PDE3B: variants seen among roughly 807,000 people sequenced by gnomAD.
PDE3B encodes the protein phosphodiesterase 3B, also known as cGMP-inhibited 3',5'-cyclic phosphodiesterase 3B.
A neutral mutation model predicts 116.8 loss-of-function variants in PDE3B; 66 were observed. The observed-to-expected ratio is 0.56, with a 90% CI of 0.46 to 0.69. The LOEUF (loss-of-function observed/expected upper bound fraction) is 0.69, where lower values mean the gene tolerates loss of function less well. PDE3B is among the 30% of genes least tolerant of loss of function. PDE3B has a pLI of 0.00. For missense variants in PDE3B, 1,384 were observed against 1,368.1 expected, an observed-to-expected ratio of 1.01 and a Z score of -0.18; for synonymous variants, 595 against 533.6, an observed-to-expected ratio of 1.12 and a Z score of -1.59.
At position 14,792,275 on chromosome 11, in the gene PDE3B, A is replaced by T. The variant is rs561820051; in HGVS notation, c.1415+3033A>T. On this transcript the variant is annotated intron_variant, in intron 4 of 15. Transcript: ENST00000282096. ...AGCTTTCTAGGTAAAAACAGTAGGC[A>T]TGTAACTTGTTTAAGACTCTTCCTT... Among the ~76,000 whole-genome samples the T allele has an allele frequency of 1.9e-4, 29 of 152,302 alleles. No homozygotes were observed. The South Asian group carries it at 5.8e-3, about 30-fold the overall frequency.
chr11:14,679,868 T>C (rs1394785914), intron 1 of PDE3B, among the ~76,000 whole-genome samples: 1 of 152,012 alleles, frequency 6.6e-6, no homozygotes, highest in Non-Finnish European at 1.5e-5. Flanking sequence ...GCTCCATCAC[T>C]CTAGTGGAAC....
At chr11:14,811,386 T>C (rs1565148067) in intron 5 of PDE3B, among the ~76,000 whole-genome samples, 1 of 152,252 alleles carries the variant, frequency 6.6e-6, no homozygotes. Flanking sequence ...TTTGTACATA[T>C]GGCTAGCGAG....
At chr11:14,776,671 AAAG>A (rs1381924529) in intron 2 of PDE3B, 1 of 151,248 alleles carries the variant, frequency 6.6e-6, no homozygotes, top group Non-Finnish European at 1.5e-5. Flanking sequence ...AATAAAAAAA[AAAG>A]AAAAAAAAAT....
chr11:14,751,812 C>G (rs1458922579), intron 1 of PDE3B, among the ~76,000 whole-genome samples: 1 of 152,162 alleles, frequency 6.6e-6, no homozygotes, highest in Admixed American at 6.5e-5. Flanking sequence ...TCTATCAGCT[C>G]TTGTTCTTTA....
At chr11:14,798,388 T>A (rs1240286292) in intron 4 of PDE3B, among the ~76,000 whole-genome samples, 6 of 152,146 alleles carry the variant, frequency 3.9e-5, no homozygotes, top group Non-Finnish European at 7.4e-5. Context: ...TGGCCTGAAA[T>A]TTTCTTTTTT....
intron 5 of PDE3B, among the ~76,000 whole-genome samples, chr11:14,811,855 A>G (rs1859143066): frequency 6.6e-6 from 1 of 152,178 alleles, no homozygotes; most frequent in Non-Finnish European, 1.5e-5. Flanking sequence ...GAGGTCCCTC[A>G]CGTCCCTTGT....
chr11:14,890,011 C>T, the PDE3B span, among the ~76,000 whole-genome samples: 1 of 152,018 alleles, frequency 6.6e-6, no homozygotes, highest in African/African-American at 2.4e-5. Context: ...CACCTGTGGT[C>T]CCAGCTACTC....
intron 1 of PDE3B, among the ~76,000 whole-genome samples, chr11:14,759,241 G>A (rs1857284123): frequency 6.6e-6 from 1 of 151,976 alleles, no homozygotes; most frequent in Admixed American, 6.6e-5. Flanking sequence ...TTTTTTGGTT[G>A]TGTCTCTGCC....
the PDE3B span, chr11:14,885,730 T>C: frequency 6.3e-7 from 1 of 1,591,622 alleles, no homozygotes; most frequent in Non-Finnish European, 8.6e-7. Context: ...AGGAATGTGA[T>C]TTAAAATATC....
chr11:14,749,404 T>C (rs1370957461), intron 1 of PDE3B, among the ~76,000 whole-genome samples: 1 of 152,114 alleles, frequency 6.6e-6, no homozygotes, highest in East Asian at 1.9e-4. Flanking sequence ...AGATAATACA[T>C]TCCATCTTTG....
chr11:14,796,895 T>G (rs1286858157), intron 4 of PDE3B, among the ~76,000 whole-genome samples: 2 of 152,232 alleles, frequency 1.3e-5, no homozygotes, highest in African/African-American at 2.4e-5. Context: ...ATGTTGCCTT[T>G]TGTTGCCATT....
intron 1 of PDE3B, among the ~76,000 whole-genome samples, chr11:14,763,084 G>A (rs932998947): frequency 2.0e-5 from 3 of 152,174 alleles, no homozygotes; most frequent in Non-Finnish European, 4.4e-5. Context: ...AAATAGAAAA[G>A]AGAAGAGGTC....
chr11:14,767,885 T>A (rs1462079760), intron 1 of PDE3B, among the ~76,000 whole-genome samples: 1 of 151,318 alleles, frequency 6.6e-6, no homozygotes, highest in Non-Finnish European at 1.5e-5. Context: ...TTTATGTTTT[T>A]AAAAATATCA....
Position 14,861,341 on chromosome 11 carries a change from G to A in PDE3B, c.2861G>A (p.Gly954Asp). ...GACTTGCATTTGAAATGGACAGAAGGCATTGTCAATGAATTTTATGAGCAG... is the reference window on the plus strand; with the variant it reads ...GACTTGCATTTGAAATGGACAGAAGACATTGTCAATGAATTTTATGAGCAG... Reference protein sequence around the residue: ...VRDLHLKWTEGIVNEFYEQGD... With the variant: ...VRDLHLKWTEDIVNEFYEQGD... Residue 954 changes from glycine to aspartate, a missense_variant, in exon 14 of 16, where the codon GGC becomes GAC. Around this residue, in one of 2 missense-constraint regions of PDE3B, gnomAD observed 428 missense variants for 561.4 expected, o/e 0.76. Coordinates refer to ENST00000282096, the MANE Select transcript of PDE3B (RefSeq NM_000922.4). 1 of 1,613,552 alleles carries A rather than the reference G, an allele frequency of 6.2e-7. No homozygotes were observed. Among genetic ancestry groups the A allele is most frequent in the South Asian group, 1.1e-5 (1 of 91,042 alleles).
At chr11:14,751,747 A>G (rs903857182) in intron 1 of PDE3B, among the ~76,000 whole-genome samples, 1 of 152,274 alleles carries the variant, frequency 6.6e-6, no homozygotes, top group Admixed American at 6.5e-5. Flanking sequence ...ACATCCTGAA[A>G]AGTGTTCAGA....
At chr11:14,813,942 A>T (rs1859236618) in intron 5 of PDE3B, among the ~76,000 whole-genome samples, 1 of 152,242 alleles carries the variant, frequency 6.6e-6, no homozygotes, top group Non-Finnish European at 1.5e-5. Context: ...GTATTATTAC[A>T]GGAATATAAA....
At chr11:14,779,379 A>C (rs1000424757) in intron 2 of PDE3B, among the ~76,000 whole-genome samples, 2 of 152,298 alleles carry the variant, frequency 1.3e-5, no homozygotes, top group East Asian at 1.9e-4. Context: ...GATTCACCAA[A>C]GTTGAAATAA....
intron 12 of PDE3B, among the ~76,000 whole-genome samples, chr11:14,852,512 C>G (rs1198687203): frequency 2.0e-5 from 3 of 152,196 alleles, no homozygotes; most frequent in Non-Finnish European, 4.4e-5. Context: ...CAATTGTTGT[C>G]CTAATCAAAA....
chr11:14,688,104 T>G (rs893962912), intron 1 of PDE3B, among the ~76,000 whole-genome samples: 6 of 139,186 alleles, frequency 4.3e-5, no homozygotes, highest in African/African-American at 1.7e-4. Context: ...TCTTTCTCTC[T>G]CTCTCTCTTT....
Sources: allele counts gnomAD v4.1 joint callset (sites outside exome capture counted in the v4.1 genomes callset), GRCh38; gene constraint gnomAD v4.1.1; regional missense constraint gnomAD v4.1.1; transcripts MANE v1.5; gene names NCBI Gene and HGNC (gene_info 2026-07-23, HGNC 2026-07-21).